Variants in POT1 observed in about 807,000 individuals in gnomAD.
The protein encoded by POT1 is protection of telomeres 1, also known as protection of telomeres protein 1.
A neutral mutation model predicts 78.5 loss-of-function variants in POT1; 47 were observed. The observed-to-expected ratio is 0.60, with a 90% confidence interval of 0.47 to 0.76. POT1 has a LOEUF of 0.76. Among genes scored for constraint, POT1 ranks in the 30% least tolerant of loss-of-function variants. The pLI is 0.00. For missense variants in POT1, 646 were observed against 749.9 expected (o/e 0.86, Z 1.62); for synonymous variants, 259 against 260.7 (o/e 0.99, Z 0.06).
chr7:124,906,802 A>T (rs749709271), intron 3 of POT1, among the ~76,000 whole-genome samples: 14 of 152,126 alleles, frequency 9.2e-5, no homozygotes, highest in Non-Finnish European at 1.5e-4. Flanking sequence ...GAAAAAATAA[A>T]TGGCTCTTAG....
rs114918244 is a variant in POT1 at position 124,838,495 on chromosome 7, A to T, written c.1369+2478T>A. 1.4e-3 allele frequency among the ~76,000 whole-genome samples: 207 copies of T among 152,100 alleles called. 1 individual carries two copies. Among genetic ancestry groups the T allele is most frequent in the African/African-American group, 4.2e-3 (176 of 41,476 alleles). ...AAGGTTTATCTGAGTAAAACTATAA[A>T]ACCCTAGTTAAAGGGATCTAAGAAG... On this transcript the variant is annotated intron_variant, in intron 14 of 18. Transcript: ENST00000357628.
At chr7:124,874,484 A>G (rs1795940982) in intron 6 of POT1, among the ~76,000 whole-genome samples, 1 of 152,192 alleles carries the variant, frequency 6.6e-6, no homozygotes, top group Non-Finnish European at 1.5e-5. Flanking sequence ...CTGTAATCCT[A>G]GCACTTTGGG....
intron 3 of POT1, among the ~76,000 whole-genome samples, chr7:124,907,321 G>C (rs1348439456): frequency 6.6e-6 from 1 of 151,964 alleles, no homozygotes; most frequent in Non-Finnish European, 1.5e-5. Context: ...GTTTAGTATA[G>C]CCAAATAGAA....
intron 3 of POT1, among the ~76,000 whole-genome samples, chr7:124,910,743 C>T (rs1006464744): frequency 9.2e-5 from 14 of 151,886 alleles, no homozygotes; most frequent in Non-Finnish European, 1.9e-4. Flanking sequence ...CTCTTTACAT[C>T]ATACCTCAAA....
chr7:124,880,047 T>C (rs1796081813), intron 6 of POT1, among the ~76,000 whole-genome samples: 1 of 152,092 alleles, frequency 6.6e-6, no homozygotes, highest in Admixed American at 6.6e-5. Context: ...CTTGAACCTG[T>C]TTATGCTGTA....
At position 124,822,855 on chromosome 7, in the gene POT1, G is replaced by A. The variant is rs1375712984; in HGVS notation, c.*1107C>T. On this transcript the variant is annotated 3_prime_UTR_variant, in exon 19 of 19. Coordinates refer to ENST00000357628, the MANE Select transcript of POT1 (RefSeq NM_015450.3). ...TCTTTTTGACAATAAGATGTTAAAA[G>A]TATTTTGAAACTATAGAAAAACACA... 7 of 181,418 alleles carry A rather than the reference G, an allele frequency of 3.9e-5. No individual in the cohort carries two copies. Among genetic ancestry groups the A allele is most frequent in the East Asian group, 1.2e-4 (1 of 8,330 alleles). The allele number at this position is 181,418 out of a possible 1,614,324, so 11.2% of individuals were successfully genotyped here.
intron 9 of POT1, among the ~76,000 whole-genome samples, chr7:124,855,152 T>C (rs1381286175): frequency 1.4e-5 from 1 of 71,356 alleles, no homozygotes; most frequent in Admixed American, 1.8e-4. Context: ...AAAAAATACA[T>C]AAAGAAAAAG....
intron 3 of POT1, among the ~76,000 whole-genome samples, chr7:124,907,392 C>G (rs961942514): frequency 6.6e-6 from 1 of 151,974 alleles, no homozygotes; most frequent in African/African-American, 2.4e-5. Context: ...TTCTTAACAA[C>G]AAGAAGTGTT....
intron 1 of POT1, among the ~76,000 whole-genome samples, 161 bp from the exon 2 acceptor site, chr7:124,929,160 C>T (rs755045258): frequency 1.3e-5 from 2 of 152,100 alleles, no homozygotes; most frequent in Non-Finnish European, 2.9e-5. Context: ...AAGATCAATA[C>T]AAAACATTCT....
chr7:124,854,605 C>CT (rs1390949725), intron 9 of POT1, among the ~76,000 whole-genome samples: 11 of 151,864 alleles, frequency 7.2e-5, no homozygotes, highest in Non-Finnish European at 1.5e-5. Context: ...TCCCAAGGAT[C>CT]TTTTTTCCCA....
At chr7:124,916,803 A>G (rs1797025859) in intron 2 of POT1, among the ~76,000 whole-genome samples, 1 of 152,184 alleles carries the variant, frequency 6.6e-6, no homozygotes, top group South Asian at 2.1e-4. Flanking sequence ...CTGCAAACAC[A>G]GGGGAATTCA....
intron 11 of POT1, among the ~76,000 whole-genome samples, chr7:124,851,650 T>C (rs1795308404): frequency 6.6e-6 from 1 of 152,222 alleles, no homozygotes; most frequent in Admixed American, 6.5e-5. Context: ...TATATCATAA[T>C]CAAGTAATCA....
intron 15 of POT1, among the ~76,000 whole-genome samples, chr7:124,833,413 A>T (rs1380725245): frequency 6.6e-6 from 1 of 152,220 alleles, no homozygotes; most frequent in African/African-American, 2.4e-5. Context: ...TAGAAGTCGG[A>T]AAGAAAGAGG....
chr7:124,846,392 T>C (rs899162301), intron 12 of POT1, among the ~76,000 whole-genome samples: 1 of 152,160 alleles, frequency 6.6e-6, no homozygotes, highest in Non-Finnish European at 1.5e-5. Flanking sequence ...ATTTTTACAA[T>C]AGCACATTTA....
At chr7:124,840,888 G>A (rs1296850629) in intron 14 of POT1, 85 bp downstream of exon 14, 1 of 1,083,052 alleles carries the variant, frequency 9.2e-7, no homozygotes, top group African/African-American at 1.6e-5. Context: ...GTACTAGGTT[G>A]TCTGTAAAAT....
chr7:124,929,772 A>C (rs1797363015), intron 1 of POT1, 22 bp downstream of exon 1: 1 of 152,226 alleles, frequency 6.6e-6, no homozygotes, highest in Admixed American at 6.5e-5. Flanking sequence ...TGAACACACC[A>C]AACCTTACAA....
At chr7:124,895,272 T>C (rs745822262) in intron 5 of POT1, among the ~76,000 whole-genome samples, 74 of 151,774 alleles carry the variant, frequency 4.9e-4, no homozygotes, top group Non-Finnish European at 9.8e-4. Flanking sequence ...CGGCTCATGA[T>C]ATACTAAAGA....
intron 2 of POT1, among the ~76,000 whole-genome samples, chr7:124,918,066 T>C (rs1334932997): frequency 1.3e-5 from 2 of 152,210 alleles, no homozygotes; most frequent in African/African-American, 2.4e-5. Flanking sequence ...CTGCCTACCA[T>C]GTCTCACCCA....
At chr7:124,851,778 A>C in intron 11 of POT1, 94 bp downstream of exon 11, 1 of 897,944 alleles carries the variant, frequency 1.1e-6, no homozygotes, top group Non-Finnish European at 1.8e-6. Flanking sequence ...ATTATTAATA[A>C]GAGAGACAAA....
Sources: gnomAD v4.1 joint callset for allele counts (sites outside exome capture counted in the v4.1 genomes callset) on GRCh38, gnomAD v4.1.1 for gene constraint, MANE v1.5 for transcripts, NCBI Gene and HGNC (gene_info 2026-07-23, HGNC 2026-07-21) for gene names.